ARID1B: variants seen among roughly 807,000 people sequenced by gnomAD.
ARID1B encodes the protein AT-rich interactive domain-containing protein 1B.
Under a neutral mutation model 212.3 loss-of-function variants are expected in ARID1B, and 30 were observed. The ratio of observed to expected loss-of-function variants is 0.14; its 90% CI spans 0.11 to 0.19. The LOEUF (loss-of-function observed/expected upper bound fraction) is 0.19, where lower values mean the gene tolerates loss of function less well. Among genes scored for constraint, ARID1B ranks in the 10% least tolerant of loss-of-function variants. The pLI, the probability that ARID1B is intolerant of heterozygous loss-of-function variation, is 1.00. For synonymous variants in ARID1B, 1,402 were observed against 1,301.7 expected (o/e 1.08, Z -1.66); for missense variants, 2,891 against 3,204.0 (o/e 0.90, Z 2.36).
intron 11 of ARID1B, among the ~76,000 whole-genome samples, chr6:157,178,337 C>T (rs1022562854): frequency 6.6e-6 from 1 of 152,206 alleles, no homozygotes; most frequent in African/African-American, 2.4e-5. Context: ...TGGTGATCAG[C>T]ATCCACCCAA....
intron 4 of ARID1B, among the ~76,000 whole-genome samples, chr6:156,961,509 G>C (rs1326400030): frequency 6.6e-6 from 1 of 152,184 alleles, no homozygotes; most frequent in South Asian, 2.1e-4. Flanking sequence ...GGTCCGCTGC[G>C]TTGCGCGGGC....
At chr6:157,038,587 G>A (rs1781487430) in intron 4 of ARID1B, among the ~76,000 whole-genome samples, 1 of 151,902 alleles carries the variant, frequency 6.6e-6, no homozygotes, top group Admixed American at 6.6e-5. Context: ...TTATGTTTCT[G>A]TATCTGCCAA....
intron 4 of ARID1B, chr6:157,023,705 T>C (rs1002028128): frequency 2.6e-5 from 4 of 152,250 alleles, no homozygotes; most frequent in Admixed American, 6.5e-5. Flanking sequence ...CATATCTATT[T>C]GGGAGTCACT....
intron 4 of ARID1B, among the ~76,000 whole-genome samples, chr6:157,055,411 C>T (rs767905074): frequency 2.0e-5 from 3 of 152,154 alleles, no homozygotes; most frequent in Non-Finnish European, 4.4e-5. Flanking sequence ...GAAGTAGCTG[C>T]TCAAAATTTT....
intron 16 of ARID1B, among the ~76,000 whole-genome samples, chr6:157,197,004 T>C (rs113483887): frequency 0.018 from 2,812 of 152,246 alleles, 97 homozygotes; most frequent in African/African-American, 0.064. Flanking sequence ...GGAAAAGTTA[T>C]TGAAATGGCT....
intron 1 of ARID1B, among the ~76,000 whole-genome samples, chr6:156,786,920 T>C (rs1779674638): frequency 6.6e-6 from 1 of 151,052 alleles, no homozygotes; most frequent in African/African-American, 2.4e-5. Flanking sequence ...ATAGCAACCA[T>C]GTGGGTCAGC....
At chr6:156,847,946 C>T (rs1784336595) in intron 2 of ARID1B, among the ~76,000 whole-genome samples, 1 of 152,084 alleles carries the variant, frequency 6.6e-6, no homozygotes, top group Non-Finnish European at 1.5e-5. Context: ...ATTGAGACCC[C>T]ACCTACCTGG....
intron 4 of ARID1B, among the ~76,000 whole-genome samples, chr6:156,975,306 A>G (rs995435162): frequency 6.6e-6 from 1 of 152,298 alleles, no homozygotes; most frequent in African/African-American, 2.4e-5. Flanking sequence ...TGAAATGTCT[A>G]TTCAAATATT....
chr6:156,890,117 G>T (rs1161004375), intron 2 of ARID1B, among the ~76,000 whole-genome samples: 1 of 152,160 alleles, frequency 6.6e-6, no homozygotes. Context: ...ACATATCCCT[G>T]ACTTCTGGAA....
chr6:157,033,134 T>C (rs1233746699), intron 4 of ARID1B, among the ~76,000 whole-genome samples: 1 of 152,214 alleles, frequency 6.6e-6, no homozygotes, highest in Non-Finnish European at 1.5e-5. Flanking sequence ...CATATACATG[T>C]GCATTTTGAT....
intron 2 of ARID1B, among the ~76,000 whole-genome samples, chr6:156,887,685 A>C (rs1482159948): frequency 1.3e-5 from 2 of 152,082 alleles, no homozygotes; most frequent in Non-Finnish European, 2.9e-5. Context: ...ACCCTCCTGC[A>C]CCCTCAGAGA....
At chr6:156,818,019 T>C (rs1241801094) in intron 1 of ARID1B, among the ~76,000 whole-genome samples, 5 of 151,638 alleles carry the variant, frequency 3.3e-5, no homozygotes, top group African/African-American at 9.7e-5. Flanking sequence ...TCTGTTGTCC[T>C]AATAGCATCT....
rs114642686 is a variant in ARID1B, at chr6:156,995,193, C to T, written c.2247+59617C>T. Among the ~76,000 whole-genome samples, 400 of 152,322 alleles carry T rather than the reference C, an allele frequency of 2.6e-3. 1 individual carries two copies. The highest frequency in any genetic ancestry group is 9.2e-3 in the African/African-American group (382 of 41,562). ...GTACCTGAAGACAGACGGTAGGAAG[C>T]CTGAGGTGACGTACGAATGAGCCCC... On this transcript the variant is annotated intron_variant, in intron 4 of 19. Transcript: ENST00000636930.
Position 156,777,852 on chromosome 6 carries a change from C to G in ARID1B, c.172C>G (p.Leu58Val). The part of the protein sequence containing the change: ...AAAAAAPGPM[L>V]GGGGDGGGGL... Reference sequence around the variant, plus strand: ...GGCGGCGGCGGCACCGGGACCCATGCTGGGGGGCGGCGGCGACGGCGGCGG... The same window carrying G: ...GGCGGCGGCGGCACCGGGACCCATGGTGGGGGGCGGCGGCGACGGCGGCGG... Residue 58 changes from leucine to valine, a missense_variant, in exon 1 of 20, where the codon CTG becomes GTG. By Grantham distance (32) the Leu-to-Val change is conservative (BLOSUM62 1). Around this residue, in one of 7 missense-constraint regions of ARID1B, gnomAD observed 1,643 missense variants for 1,544.0 expected, o/e 1.06. Transcript: ENST00000636930. The G allele has an allele frequency of 7.5e-7, 1 of 1,327,046 alleles. No individual in the cohort carries two copies. The highest frequency in any genetic ancestry group is 9.6e-7 in the Non-Finnish European group (1 of 1,043,622). The allele number at this position is 1,327,046 out of a possible 1,614,324, so 82.2% of individuals were successfully genotyped here. A position where few individuals can be genotyped will look rare whatever the true frequency, so the allele number is the denominator to read the frequency against.
intron 5 of ARID1B, among the ~76,000 whole-genome samples, chr6:157,093,390 A>G (rs534788579): frequency 1.3e-5 from 2 of 152,198 alleles, no homozygotes; most frequent in Non-Finnish European, 2.9e-5. Context: ...TTGATTGATT[A>G]TAGCCGTTAA....
intron 4 of ARID1B, among the ~76,000 whole-genome samples, chr6:156,956,841 A>G (rs1159145458): frequency 6.6e-6 from 1 of 152,164 alleles, no homozygotes; most frequent in Non-Finnish European, 1.5e-5. Flanking sequence ...CACCTGAAAT[A>G]TGGCTAGCAG....
At chr6:156,964,457 A>T (rs745810831) in intron 4 of ARID1B, among the ~76,000 whole-genome samples, 5 of 152,216 alleles carry the variant, frequency 3.3e-5, no homozygotes, top group Non-Finnish European at 7.3e-5. Flanking sequence ...GTCATCCCTC[A>T]TGTGCTGTGA....
At chr6:156,914,441 A>G (rs1248360367) in intron 3 of ARID1B, among the ~76,000 whole-genome samples, 3 of 152,058 alleles carry the variant, frequency 2.0e-5, no homozygotes, top group Admixed American at 2.0e-4. Flanking sequence ...CTGGGACGCC[A>G]CCCTCTCCTG....
intron 2 of ARID1B, among the ~76,000 whole-genome samples, chr6:156,892,866 A>G (rs1047050898): frequency 6.6e-6 from 1 of 152,212 alleles, no homozygotes; most frequent in Non-Finnish European, 1.5e-5. Flanking sequence ...TTCTTAAAAC[A>G]GAAAGATCCA....
Sources: gnomAD v4.1 joint callset for allele counts (sites outside exome capture counted in the v4.1 genomes callset) on GRCh38, gnomAD v4.1.1 for gene constraint, gnomAD v4.1.1 regional missense constraint, MANE v1.5 for transcripts, NCBI Gene and HGNC (gene_info 2026-07-23, HGNC 2026-07-21) for gene names.